The following KIF6 variants were observed in gnomAD, a reference collection of about 807,000 sequenced individuals.
KIF6 encodes kinesin-like protein KIF6.
In KIF6, 106 loss-of-function variants were observed where a neutral mutation model predicts 112.7. That is an observed-to-expected ratio of 0.94 (90% confidence interval 0.80 to 1.11). KIF6 has a LOEUF of 1.11. Ranked by LOEUF, KIF6 falls within the 50% of genes least tolerant of loss-of-function variation. The pLI is 0.00. For missense variants in KIF6, 929 were observed against 964.0 expected (o/e 0.96, Z 0.48); for synonymous variants, 339 against 339.9 (o/e 1.00, Z 0.03).
rs372653016 is a variant in KIF6 at position 39,343,830 on chromosome 6, G to A, written c.2322-15C>T. 2.2e-4 allele frequency: 333 copies of A among 1,507,434 alleles called. 1 individual carries two copies. Among genetic ancestry groups the A allele is most frequent in the South Asian group, 1.1e-3 (89 of 83,788 alleles). The allele number at this position is 1,507,434 out of a possible 1,614,324, so 93.4% of individuals were successfully genotyped here. A position where few individuals can be genotyped will look rare whatever the true frequency, so the allele number is the denominator to read the frequency against. On this transcript the variant is annotated splice_polypyrimidine_tract_variant and intron_variant, in intron 21 of 22. Coordinates refer to ENST00000287152, the MANE Select transcript of KIF6 (RefSeq NM_145027.6). This position sits in a 1 kb window ranked among gnomAD's most constrained non-coding sequence, Gnocchi z 4.1. ...TCTTGGGGATGCTGGAGGCAACCAC[G>A]TGTCACATTTTACTACACTTTACAA...
intron 13 of KIF6, among the ~76,000 whole-genome samples, chr6:39,529,541 C>T (rs914301779): frequency 5.9e-5 from 9 of 152,154 alleles, no homozygotes; most frequent in African/African-American, 2.2e-4. Flanking sequence ...AATCCCAGCA[C>T]TTTAGGAGGC....
chr6:39,544,681 C>T lies in KIF6; in HGVS notation c.1300G>A (p.Asp434Asn), dbSNP rs746139660. ...GTATTGTTTTCAAGGATCTTCTTGT[C>T]ATTCAATAGTTTCTGTAAGATAAAA... ...CFHHLKKLLNDKKILENNTVS... is the reference protein window; with the variant it reads ...CFHHLKKLLNNKKILENNTVS... Residue 434 changes from aspartate to asparagine, a missense_variant, in exon 12 of 23, where the codon GAC becomes AAC. Transcript: ENST00000287152. 24 of 1,594,066 alleles carry T rather than the reference C, an allele frequency of 1.5e-5. No homozygotes were observed. The African/African-American group carries it at 3.0e-4, about 20-fold the overall frequency.
chr6:39,584,867 AT>A, intron 9 of KIF6, 30 bp downstream of exon 9: 2 of 1,357,164 alleles, frequency 1.5e-6, no homozygotes, highest in East Asian at 2.3e-5. Flanking sequence ...ACTTTAATAT[AT>A]TTTTTAAAAT....
intron 3 of KIF6, among the ~76,000 whole-genome samples, chr6:39,672,652 G>A (rs927248048): frequency 1.3e-5 from 2 of 152,146 alleles, no homozygotes; most frequent in African/African-American, 4.8e-5. Context: ...AGGCTTGACA[G>A]GGTTTGGTTT....
At chr6:39,668,652 C>G (rs932865912) in intron 3 of KIF6, among the ~76,000 whole-genome samples, 2 of 152,152 alleles carry the variant, frequency 1.3e-5, no homozygotes, top group African/African-American at 4.8e-5. Context: ...GTATCCAGAA[C>G]CCCAGGCCAT....
intron 6 of KIF6, among the ~76,000 whole-genome samples, chr6:39,608,208 A>ATCTAGTACACATGCTCCAC (rs1783000081): frequency 1.3e-5 from 2 of 152,184 alleles, no homozygotes; most frequent in Admixed American, 6.5e-5. Flanking sequence ...ACTCAGATAA[A>ATCTAGTACACATGCTCCAC]TCTAGTACAC....
intron 10 of KIF6, among the ~76,000 whole-genome samples, chr6:39,551,294 T>A (rs1159189325): frequency 6.6e-6 from 1 of 152,158 alleles, no homozygotes; most frequent in African/African-American, 2.4e-5. Flanking sequence ...AAATAAAAAA[T>A]TAACTCATGG....
At chr6:39,537,369 G>C (rs201683488) in intron 13 of KIF6, among the ~76,000 whole-genome samples, 6 of 151,886 alleles carry the variant, frequency 4.0e-5, no homozygotes, top group East Asian at 1.9e-4. Flanking sequence ...TCAGCAAAGT[G>C]TTAGGATACA....
intron 15 of KIF6, among the ~76,000 whole-genome samples, chr6:39,402,430 C>A (rs183488589): frequency 6.6e-6 from 1 of 152,068 alleles, no homozygotes; most frequent in African/African-American, 2.4e-5. Context: ...TCTGGCTGTG[C>A]GGAACCTGAT....
Position 39,360,535 on chromosome 6 carries a change from G to A in KIF6, c.1947-5C>T, listed in dbSNP as rs200514768. 28 of 1,614,162 alleles carry A rather than the reference G, an allele frequency of 1.7e-5. No homozygotes were observed. The highest frequency in any genetic ancestry group is 8.3e-5 in the Admixed American group (5 of 60,020). The stretch of plus-strand genomic sequence containing the variant: ...CGAGTGAACATTGTTTTATACCTGC[G>A]GTGGAATCGGGGAAGAGTCAGGGCA... On this transcript the variant is annotated splice_region_variant and splice_polypyrimidine_tract_variant and intron_variant, in intron 17 of 22. Coordinates refer to ENST00000287152, the MANE Select transcript of KIF6 (RefSeq NM_145027.6).
intron 5 of KIF6, among the ~76,000 whole-genome samples, chr6:39,620,710 T>G (rs1175102684): frequency 6.6e-6 from 1 of 152,098 alleles, no homozygotes; most frequent in Non-Finnish European, 1.5e-5. Context: ...AAATTATAAA[T>G]GTATGCATGT....
chr6:39,519,841 G>A (rs1777286014), intron 13 of KIF6, among the ~76,000 whole-genome samples: 1 of 152,106 alleles, frequency 6.6e-6, no homozygotes, highest in Non-Finnish European at 1.5e-5. Context: ...GGCCAACAGG[G>A]TGAAACCCCA....
chr6:39,381,915 A>T (rs1403699254), intron 16 of KIF6, among the ~76,000 whole-genome samples: 1 of 152,136 alleles, frequency 6.6e-6, no homozygotes, highest in Non-Finnish European at 1.5e-5. Context: ...AATTCAGAAG[A>T]CTCCCAGAGA....
At chr6:39,612,536 T>C (rs1352454320) in intron 6 of KIF6, among the ~76,000 whole-genome samples, 1 of 152,106 alleles carries the variant, frequency 6.6e-6, no homozygotes, top group Non-Finnish European at 1.5e-5. Flanking sequence ...TCAGATAAAA[T>C]AGGAACTCAG....
At chr6:39,455,233 C>A (rs1402911457) in intron 13 of KIF6, among the ~76,000 whole-genome samples, 1 of 151,806 alleles carries the variant, frequency 6.6e-6, no homozygotes, top group East Asian at 1.9e-4. Flanking sequence ...AGCAGCCTAA[C>A]TGGGAGGCAC....
Position 39,586,258 on chromosome 6 carries a change from T to A in KIF6, c.990+3A>T, listed in dbSNP as rs749363342. 6.2e-7 allele frequency: 1 copy of A among 1,614,126 alleles called. No individual in the cohort carries two copies. The highest frequency in any genetic ancestry group is 1.1e-5 in the South Asian group (1 of 91,084). ...AGATCTCCAGAAAGAAGAGCCCACATACATCAAGATTCCTTTTCTCCAAGG... is the reference window on the plus strand; with the variant it reads ...AGATCTCCAGAAAGAAGAGCCCACAAACATCAAGATTCCTTTTCTCCAAGG... On this transcript the variant is annotated splice_donor_region_variant and intron_variant, in intron 8 of 22. Coordinates refer to ENST00000287152, the MANE Select transcript of KIF6 (RefSeq NM_145027.6).
At chr6:39,430,763 A>G (rs1771096498) in intron 14 of KIF6, among the ~76,000 whole-genome samples, 1 of 152,228 alleles carries the variant, frequency 6.6e-6, no homozygotes, top group African/African-American at 2.4e-5. Flanking sequence ...TGGATAGAGT[A>G]CAGGCTGATG....
Position 39,378,638 on chromosome 6 carries a change from A to G in KIF6, c.1861+6984T>C, listed in dbSNP as rs1766654808. On this transcript the variant is annotated intron_variant, in intron 16 of 22. Coordinates refer to ENST00000287152, the MANE Select transcript of KIF6 (RefSeq NM_145027.6). This position sits in a 1 kb window ranked among gnomAD's most constrained non-coding sequence, Gnocchi z 5.0. ...ACCCCCCAGGGCCACTCCTTCTGGT[A>G]AGAACGGGAAGTTCTCATGGCCTGT... Among the ~76,000 whole-genome samples the G allele has an allele frequency of 6.6e-6, 1 of 152,188 alleles. No homozygotes were observed. The highest frequency in any genetic ancestry group is 6.5e-5 in the Admixed American group (1 of 15,270).
intron 9 of KIF6, among the ~76,000 whole-genome samples, chr6:39,580,586 T>C (rs1292941171): frequency 6.6e-6 from 1 of 152,198 alleles, no homozygotes; most frequent in Non-Finnish European, 1.5e-5. Flanking sequence ...AAAGTATGGT[T>C]GAATGTTTAA....
Sources: allele counts gnomAD v4.1 joint callset (sites outside exome capture counted in the v4.1 genomes callset), GRCh38; gene constraint gnomAD v4.1.1; non-coding constraint Gnocchi (gnomAD v3.1); transcripts MANE v1.5; gene names NCBI Gene and HGNC (gene_info 2026-07-23, HGNC 2026-07-21).